Variants in ELL observed in about 807,000 individuals in gnomAD.
ELL encodes the protein RNA polymerase II elongation factor ELL.
ELL carries 18 observed loss-of-function variants against 64.0 expected under a neutral mutation model. The observed-to-expected ratio is 0.28, with a 90% CI of 0.19 to 0.42. ELL has a LOEUF of 0.42. Ranked by LOEUF, ELL falls within the 10% of genes least tolerant of loss-of-function variation. The pLI is 1.00. For synonymous variants in ELL, 399 were observed against 376.2 expected, an observed-to-expected ratio of 1.06 and a Z score of -0.70; for missense variants, 797 against 870.4, an observed-to-expected ratio of 0.92 and a Z score of 1.06.
chr19:18,467,918 C>T (rs1211786599), intron 2 of ELL, among the ~76,000 whole-genome samples: 1 of 140,696 alleles, frequency 7.1e-6, no homozygotes, highest in South Asian at 2.3e-4. Context: ...TCTCCCCACA[C>T]ACAACCATAC....
At chr19:18,489,020 G>A (rs1009159546) in intron 1 of ELL, among the ~76,000 whole-genome samples, 1 of 152,226 alleles carries the variant, frequency 6.6e-6, no homozygotes, top group South Asian at 2.1e-4. Context: ...ACCTGCAGGG[G>A]GTGTGGAGGA....
intron 1 of ELL, 168 bp from the exon 2 acceptor site, chr19:18,473,050 A>G (rs1292361134): frequency 3.7e-6 from 3 of 807,052 alleles, no homozygotes; most frequent in East Asian, 5.3e-5. Flanking sequence ...AGGTCACCGG[A>G]GCAGGGTTTT....
intron 1 of ELL, among the ~76,000 whole-genome samples, chr19:18,512,414 G>C (rs1048389495): frequency 6.6e-5 from 10 of 152,154 alleles, no homozygotes; most frequent in African/African-American, 2.4e-4. Flanking sequence ...AAGGCGGGCA[G>C]GTCGCTTCAG....
Position 18,442,886 on chromosome 19 carries a change from AG to A in ELL, c.*1865del, listed in dbSNP as rs1377532560. Reference sequence around the variant, plus strand: ...GTACAACATTAAAAGAAAAAAAAATAGTATCAATAAGTTAGACCATATTTAA... The same window carrying A: ...GTACAACATTAAAAGAAAAAAAAATATATCAATAAGTTAGACCATATTTAA... On this transcript the variant is annotated 3_prime_UTR_variant, in exon 12 of 12. Transcript: ENST00000262809. 1.3e-5 allele frequency: 3 copies of A among 226,626 alleles called. No individual in the cohort carries two copies. The East Asian group carries it at 1.9e-4, about 14-fold the overall frequency. 14.0% of individuals were successfully genotyped at this position (226,626 alleles called of 1,614,324 possible).
At position 18,465,436 on chromosome 19, in the gene ELL, T is replaced by A. The variant is rs1291304433; in HGVS notation, c.445A>T (p.Ile149Phe). 6.2e-7 allele frequency: 1 copy of A among 1,608,478 alleles called. No homozygotes were observed. Among genetic ancestry groups the A allele is most frequent in the Non-Finnish European group, 8.5e-7 (1 of 1,176,056 alleles). ...CCCAGGTAGCGGCCTCCAGCCTTGA[T>A]GACAATGGCACTTCGGCTCCGCGTC... ...EETRSRSAIV[I>F]KAGGRYLGKK... The change falls in exon 4 of 12, where the codon ATC (isoleucine) becomes TTC (phenylalanine). Residue 149 changes from isoleucine (I) to phenylalanine (F), a missense_variant. Coordinates refer to ENST00000262809, the MANE Select transcript of ELL (RefSeq NM_006532.4).
chr19:18,499,835 C>T (rs1057226732), intron 1 of ELL, among the ~76,000 whole-genome samples: 1 of 152,164 alleles, frequency 6.6e-6, no homozygotes, highest in African/African-American at 2.4e-5. Flanking sequence ...ATGGGACAGG[C>T]CCCACAAATG....
intron 1 of ELL, among the ~76,000 whole-genome samples, chr19:18,481,679 T>G (rs1975301426): frequency 6.6e-6 from 1 of 152,202 alleles, no homozygotes; most frequent in Admixed American, 6.5e-5. Context: ...AACCACCTAC[T>G]CAGCATGACG....
chr19:18,512,782 C>T (rs1479311617), intron 1 of ELL, among the ~76,000 whole-genome samples: 1 of 152,166 alleles, frequency 6.6e-6, no homozygotes, highest in East Asian at 1.9e-4. Context: ...AACACCTTCA[C>T]CTGAATTGGG....
chr19:18,448,729 C>G (rs1302039085), intron 8 of ELL: 5 of 152,290 alleles, frequency 3.3e-5, no homozygotes, highest in African/African-American at 9.6e-5. Context: ...GGCTCAGGGT[C>G]AGCTCAACCT....
chr19:18,476,402 C>CA (rs1211923021), intron 1 of ELL, among the ~76,000 whole-genome samples: 1 of 152,198 alleles, frequency 6.6e-6, no homozygotes, highest in Non-Finnish European at 1.5e-5. Flanking sequence ...ACAACCCCCC[C>CA]AAGGAACTGT....
rs1219579082 is a variant in ELL at position 18,473,272 on chromosome 19, CAA to C, written c.136-392_136-391del. On this transcript the variant is annotated intron_variant, in intron 1 of 11. Coordinates refer to ENST00000262809, the MANE Select transcript of ELL (RefSeq NM_006532.4). ...TGCTCACAGCCCTGCCAGGAAAAAGCAAAGACAGGTCAGGGTTGACCCTGGAT... is the reference window on the plus strand; with the variant it reads ...TGCTCACAGCCCTGCCAGGAAAAAGCAGACAGGTCAGGGTTGACCCTGGAT... 4.5e-5 allele frequency: 23 copies of C among 506,766 alleles called. No homozygotes were observed. The East Asian group carries it at 9.2e-4, about 20-fold the overall frequency. The allele number at this position is 506,766 out of a possible 1,614,324, so 31.4% of individuals were successfully genotyped here. A position where few individuals can be genotyped will look rare whatever the true frequency, so the allele number is the denominator to read the frequency against.
In ELL at chr19:18,503,182, G is replaced by A. The variant is rs923922933; in HGVS notation, c.135+18739C>T. 7.2e-5 allele frequency among the ~76,000 whole-genome samples: 11 copies of A among 152,384 alleles called. No individual in the cohort carries two copies. The East Asian group carries it at 9.6e-4, about 13-fold the overall frequency. ...CGCAGGGACATCCCTGTAAGCATCC[G>A]TGGTCTGGAGAGTGTCCAGTGGCAC... On this transcript the variant is annotated intron_variant, in intron 1 of 11. Coordinates refer to ENST00000262809, the MANE Select transcript of ELL (RefSeq NM_006532.4).
At chr19:18,468,711 G>A (rs1975002962) in intron 2 of ELL, among the ~76,000 whole-genome samples, 1 of 152,220 alleles carries the variant, frequency 6.6e-6, no homozygotes, top group Non-Finnish European at 1.5e-5. Context: ...GTTGCCAGTG[G>A]CTCCTGCCCC....
intron 2 of ELL, among the ~76,000 whole-genome samples, chr19:18,468,454 T>C (rs139940255): frequency 3.3e-5 from 5 of 152,334 alleles, no homozygotes; most frequent in African/African-American, 7.2e-5. Flanking sequence ...TTCTCGTTCA[T>C]ACAAGAAACT....
chr19:18,471,350 C>A (rs778195439), intron 2 of ELL: 1 of 445,218 alleles, frequency 2.2e-6, no homozygotes, highest in East Asian at 7.4e-5. Context: ...ACTCCAGCCT[C>A]GGCAACAGAG....
rs1416794799 is a variant in ELL at position 18,521,981 on chromosome 19, C to A, written c.75G>T (p.Val25=). Residue 25 remains valine (V), a synonymous_variant, in exon 1 of 12, where the codon GTG becomes GTT. Transcript: ENST00000262809. ...GRVSDGSKVS[V]FHVKLTDSAL... ...CACTGTCGGTGAGCTTCACGTGGAA[C>A]ACCGACACCTTGCTGCCGTCGCTAA... is the stretch of plus-strand genomic sequence containing the variant. 2 of 1,611,336 alleles carry A rather than the reference C, an allele frequency of 1.2e-6. No homozygotes were observed. Among genetic ancestry groups the A allele is most frequent in the Non-Finnish European group, 1.7e-6 (2 of 1,178,912 alleles).
intron 1 of ELL, among the ~76,000 whole-genome samples, chr19:18,495,968 C>T (rs989674537): frequency 5.3e-5 from 8 of 152,224 alleles, no homozygotes; most frequent in Non-Finnish European, 1.2e-4. Context: ...CTCCGTGAGC[C>T]CCTACCCTAC....
intron 1 of ELL, among the ~76,000 whole-genome samples, chr19:18,490,395 C>A (rs1024958127): frequency 2.0e-5 from 3 of 152,176 alleles, no homozygotes; most frequent in African/African-American, 7.2e-5. Flanking sequence ...TATGACACTT[C>A]AAGCCACCGT....
intron 1 of ELL, among the ~76,000 whole-genome samples, chr19:18,491,010 T>G (rs1041582643): frequency 1.3e-5 from 2 of 152,190 alleles, no homozygotes; most frequent in Non-Finnish European, 2.9e-5. Flanking sequence ...TATCCAGCTG[T>G]TTGGCCAAAC....
Sources: gnomAD v4.1 joint callset for allele counts (sites outside exome capture counted in the v4.1 genomes callset) on GRCh38, gnomAD v4.1.1 for gene constraint, MANE v1.5 for transcripts, NCBI Gene and HGNC (gene_info 2026-07-23, HGNC 2026-07-21) for gene names.